USP34: variants seen among roughly 807,000 people sequenced by gnomAD.
USP34 encodes ubiquitin carboxyl-terminal hydrolase 34.
USP34 carries 70 observed loss-of-function variants against 460.3 expected under a neutral mutation model. That is an observed-to-expected ratio of 0.15 (90% CI 0.13 to 0.19). The LOEUF (loss-of-function observed/expected upper bound fraction) is 0.19, where lower values mean the gene tolerates loss of function less well. USP34 is among the 10% of genes least tolerant of loss of function. The pLI is 1.00. For missense variants in USP34, 3,985 were observed against 4,236.2 expected (o/e 0.94, Z 1.65); for synonymous variants, 1,647 against 1,405.3 (o/e 1.17, Z -3.85).
intron 1 of USP34, among the ~76,000 whole-genome samples, chr2:61,435,918 C>T (rs569902621): frequency 7.7e-4 from 117 of 152,190 alleles, no homozygotes; most frequent in Non-Finnish European, 1.4e-3. Flanking sequence ...ATCCCAGCTA[C>T]TCAGGAGGCT....
At position 61,348,380 on chromosome 2, in the gene USP34, T is replaced by C; in HGVS notation, c.1775A>G (p.Glu592Gly). 1 of 1,614,032 alleles carries C rather than the reference T, an allele frequency of 6.2e-7. No individual in the cohort carries two copies. Among genetic ancestry groups the C allele is most frequent in the Non-Finnish European group, 8.5e-7 (1 of 1,180,036 alleles). The change falls in exon 15 of 80, where the codon GAG (glutamate) becomes GGG (glycine). Residue 592 changes from glutamate to glycine, a missense_variant. By Grantham distance (98) the Glu-to-Gly change is moderately conservative. Coordinates refer to ENST00000398571, the MANE Select transcript of USP34 (RefSeq NM_014709.4). ...CTGGCTTGCGTGGCTAGAATTAACCTCATTGCTAGATCCATCACTATGCCC... is the reference window on the plus strand; with the variant it reads ...CTGGCTTGCGTGGCTAGAATTAACCCCATTGCTAGATCCATCACTATGCCC... ...SSGHSDGSSN[E>G]VNSSHASQSA...
intron 3 of USP34, among the ~76,000 whole-genome samples, chr2:61,396,165 T>G (rs1431684321): frequency 6.6e-6 from 1 of 152,236 alleles, no homozygotes; most frequent in Admixed American, 6.5e-5. Flanking sequence ...TTTCATGATT[T>G]TTGAAACTGC....
chr2:61,209,721 G>T (rs773766324), intron 69 of USP34, among the ~76,000 whole-genome samples: 1 of 152,164 alleles, frequency 6.6e-6, no homozygotes, highest in African/African-American at 2.4e-5. Flanking sequence ...TTCAAAAAAA[G>T]TTAAATGTAA....
intron 75 of USP34, among the ~76,000 whole-genome samples, chr2:61,198,053 C>T (rs758831387): frequency 2.6e-5 from 4 of 152,162 alleles, no homozygotes; most frequent in African/African-American, 4.8e-5. Flanking sequence ...GCCACTGTGC[C>T]GGGCCGGCAG....
At chr2:61,393,041 T>TAA (rs1311976760) in intron 5 of USP34, among the ~76,000 whole-genome samples, 2 of 152,334 alleles carry the variant, frequency 1.3e-5, no homozygotes, top group Non-Finnish European at 2.9e-5. Flanking sequence ...TGTCAAGTGT[T>TAA]ACATTATGAG....
At chr2:61,346,104 G>A (rs1411176166) in intron 15 of USP34, among the ~76,000 whole-genome samples, 4 of 151,958 alleles carry the variant, frequency 2.6e-5, no homozygotes, top group African/African-American at 7.3e-5. Flanking sequence ...CACAATTTAG[G>A]AAAGTTTCCA....
At chr2:61,361,884 T>G (rs1411121847) in intron 10 of USP34, among the ~76,000 whole-genome samples, 2 of 151,752 alleles carry the variant, frequency 1.3e-5, no homozygotes, top group Admixed American at 6.6e-5. Flanking sequence ...ACCTACAAAA[T>G]GGAATAAAAT....
At chr2:61,383,417 A>G (rs1693035383) in intron 5 of USP34, 81 bp from the exon 6 acceptor site, 1 of 1,119,774 alleles carries the variant, frequency 8.9e-7, no homozygotes, top group Non-Finnish European at 1.3e-6. Flanking sequence ...GAAAAACAAG[A>G]GCATTGGCCA....
chr2:61,196,594 C>T (rs950924615), intron 75 of USP34, among the ~76,000 whole-genome samples: 1 of 151,710 alleles, frequency 6.6e-6, no homozygotes. Context: ...GCAGTGGCAT[C>T]GTCTTGGCTC....
chr2:61,439,461 G>A (rs938323472), intron 1 of USP34, among the ~76,000 whole-genome samples: 4 of 152,172 alleles, frequency 2.6e-5, no homozygotes, highest in African/African-American at 9.7e-5. Flanking sequence ...CTCCCCTGCT[G>A]TATGTGAGCA....
At chr2:61,396,921 C>T (rs905787181) in intron 3 of USP34, among the ~76,000 whole-genome samples, 5 of 152,208 alleles carry the variant, frequency 3.3e-5, no homozygotes, top group African/African-American at 1.2e-4. Flanking sequence ...ATACTTTAAT[C>T]AAGTGATTTT....
intron 43 of USP34, among the ~76,000 whole-genome samples, chr2:61,261,753 T>A (rs978006669): frequency 2.6e-5 from 4 of 152,120 alleles, no homozygotes; most frequent in Non-Finnish European, 5.9e-5. Context: ...GAAGTGTTCA[T>A]CTTAAGAATA....
rs1235307234 is a variant in USP34 at position 61,470,981 on chromosome 2, A to AG, written c.-290dup. On this transcript the variant is annotated 5_prime_UTR_variant, in exon 1 of 80. Transcript: ENST00000398571. ...GGGGGGAAGGACGGGGGGAGGGGAG[A>AG]GGGGGGGAGGGGGCGGGTGGGGAGA... is the stretch of plus-strand genomic sequence containing the variant. 0.073 allele frequency among the ~76,000 whole-genome samples: 380 copies of AG among 5,184 alleles called. 4 individuals carry two copies. Among genetic ancestry groups the AG allele is most frequent in the Admixed American group, 0.13 (82 of 638 alleles). 3.4% of individuals were successfully genotyped at this position (5,184 alleles called of 152,430 possible).
At chr2:61,360,394 G>A (rs1305670265) in intron 10 of USP34, among the ~76,000 whole-genome samples, 2 of 152,134 alleles carry the variant, frequency 1.3e-5, no homozygotes, top group African/African-American at 4.8e-5. Context: ...GCATTTCTAA[G>A]TACAAGCAGG....
At chr2:61,375,928 G>A (rs1185657843) in intron 8 of USP34, among the ~76,000 whole-genome samples, 5 of 151,906 alleles carry the variant, frequency 3.3e-5, no homozygotes, top group Admixed American at 6.6e-5. Flanking sequence ...TCAAACAAAC[G>A]AACAAGAGTA....
At chr2:61,320,545 G>C (rs1690884981) in intron 21 of USP34, among the ~76,000 whole-genome samples, 1 of 152,214 alleles carries the variant, frequency 6.6e-6, no homozygotes, top group South Asian at 2.1e-4. Context: ...ACCTACTGTA[G>C]TTTATTTATA....
intron 67 of USP34, among the ~76,000 whole-genome samples, chr2:61,217,045 G>A (rs556835468): frequency 8.7e-5 from 13 of 149,810 alleles, no homozygotes; most frequent in Non-Finnish European, 1.6e-4. Context: ...CTACCACCGA[G>A]ATTCTACAAT....
chr2:61,194,174 C>G (rs1686725607), intron 75 of USP34: 5 of 985,304 alleles, frequency 5.1e-6, no homozygotes, highest in Non-Finnish European at 6.0e-6. Flanking sequence ...CCAAGGATGC[C>G]TAGGATCCCT....
intron 70 of USP34, chr2:61,207,202 G>C (rs1687144294): frequency 5.4e-6 from 1 of 186,360 alleles, no homozygotes; most frequent in Non-Finnish European, 1.1e-5. Flanking sequence ...GGTCACAAAA[G>C]ATTAGGGAGA....
Sources: gnomAD v4.1 joint callset for allele counts (sites outside exome capture counted in the v4.1 genomes callset) on GRCh38, gnomAD v4.1.1 for gene constraint, MANE v1.5 for transcripts, NCBI Gene and HGNC (gene_info 2026-07-23, HGNC 2026-07-21) for gene names.